The following FOXN3 variants were observed in gnomAD, a reference collection of about 807,000 sequenced individuals.
FOXN3 encodes forkhead box N3, also known as forkhead box protein N3.
A neutral mutation model predicts 38.4 loss-of-function variants in FOXN3; 7 were observed. That is an observed-to-expected ratio of 0.18 (90% CI 0.10 to 0.34). The LOEUF (loss-of-function observed/expected upper bound fraction) is 0.34, where lower values mean the gene tolerates loss of function less well. FOXN3 is among the 10% of genes least tolerant of loss of function. FOXN3 has a pLI of 1.00. For missense variants in FOXN3, 456 were observed against 613.4 expected (o/e 0.74, Z 2.71); for synonymous variants, 230 against 242.2 (o/e 0.95, Z 0.47).
chr14:89,462,708 GGA>G (rs1296463157), intron 1 of FOXN3, among the ~76,000 whole-genome samples: 1 of 146,892 alleles, frequency 6.8e-6, no homozygotes, highest in Non-Finnish European at 1.5e-5. Flanking sequence ...TTTTTGAGAT[GGA>G]GTCTCGCTCT....
rs1334701451 is a variant in FOXN3 at position 89,162,697 on chromosome 14, T to A, written c.1124A>T (p.Asp375Val). Residue 375 changes from aspartate (D) to valine (V), a missense_variant, in exon 6 of 6, where the codon GAC becomes GTC. Transcript: ENST00000557258. This position sits in a 1 kb window ranked among gnomAD's most constrained non-coding sequence, Gnocchi z 7.2. ...HESPSDTEED[D>V]RKHSQKEPKD... Reference sequence around the variant, plus strand: ...GGGCTCCTTCTGGCTGTGCTTCCTGTCGTCCTCTTCCGTGTCGCTGGGGCT... The same window carrying A: ...GGGCTCCTTCTGGCTGTGCTTCCTGACGTCCTCTTCCGTGTCGCTGGGGCT... The A allele has an allele frequency of 3.1e-6, 5 of 1,614,124 alleles. No homozygotes were observed. Among genetic ancestry groups the A allele is most frequent in the Non-Finnish European group, 4.2e-6 (5 of 1,179,998 alleles).
chr14:89,432,636 C>T (rs1892185676), intron 1 of FOXN3, among the ~76,000 whole-genome samples: 1 of 152,132 alleles, frequency 6.6e-6, no homozygotes, highest in Admixed American at 6.6e-5. Context: ...CTCTGGCCTG[C>T]ACAGCCCCAC....
intron 4 of FOXN3, among the ~76,000 whole-genome samples, chr14:89,226,136 A>C: frequency 6.7e-6 from 1 of 148,524 alleles, no homozygotes; most frequent in Admixed American, 6.7e-5. Flanking sequence ...GGGGAAGGAA[A>C]TCTAGTTGTT....
intron 3 of FOXN3, among the ~76,000 whole-genome samples, chr14:89,284,792 C>A (rs561772038): frequency 2.0e-5 from 3 of 152,132 alleles, no homozygotes; most frequent in African/African-American, 7.2e-5. Flanking sequence ...AGGTGGAGTG[C>A]GACCTGGCAT....
At chr14:89,560,008 G>T (rs1895214237) in intron 1 of FOXN3, among the ~76,000 whole-genome samples, 1 of 152,162 alleles carries the variant, frequency 6.6e-6, no homozygotes, top group African/African-American at 2.4e-5. Flanking sequence ...AGTTTATAAA[G>T]AAAAGAGGTT....
intron 3 of FOXN3, among the ~76,000 whole-genome samples, chr14:89,333,763 A>T (rs796902215): frequency 1.4e-5 from 2 of 147,420 alleles, no homozygotes; most frequent in South Asian, 4.3e-4. Context: ...AAAAAAAAAA[A>T]AAAAAAAAAA....
At chr14:89,363,972 ATATATATATATATATAAT>A (rs1426320032) in intron 2 of FOXN3, among the ~76,000 whole-genome samples, 24 of 40,988 alleles carry the variant, frequency 5.9e-4, no homozygotes, top group Non-Finnish European at 7.8e-4. Context: ...ATATATATAT[ATATATATATATATATAAT>A]ATATATATAT....
intron 1 of FOXN3, among the ~76,000 whole-genome samples, chr14:89,540,689 G>A (rs144545119): frequency 2.1e-5 from 3 of 145,918 alleles, no homozygotes; most frequent in Non-Finnish European, 4.5e-5. Context: ...AGTGAGCCGA[G>A]ATTGCAACAC....
intron 1 of FOXN3, among the ~76,000 whole-genome samples, chr14:89,542,486 T>C (rs386899): frequency 0.78 from 119,140 of 152,212 alleles, 46,886 homozygotes; most frequent in Middle Eastern, 0.84. Flanking sequence ...TCACAATTAA[T>C]AAAGTTCAGC....
chr14:89,265,851 G>C (rs956261613), intron 4 of FOXN3, among the ~76,000 whole-genome samples: 2 of 152,192 alleles, frequency 1.3e-5, no homozygotes, highest in African/African-American at 4.8e-5. Flanking sequence ...TGTAGGTCAA[G>C]TTAAAACAAT....
chr14:89,402,603 G>T (rs1891279152), intron 2 of FOXN3, among the ~76,000 whole-genome samples: 1 of 152,330 alleles, frequency 6.6e-6, no homozygotes, highest in Non-Finnish European at 1.5e-5. Flanking sequence ...AAAGCAGAGG[G>T]TGGGGTTTCT....
chr14:89,317,883 A>G (rs906575999), intron 3 of FOXN3, among the ~76,000 whole-genome samples: 1 of 149,788 alleles, frequency 6.7e-6, no homozygotes, highest in Non-Finnish European at 1.5e-5. Flanking sequence ...TGCAAACCCT[A>G]CTGTGAACTG....
chr14:89,165,977 T>C (rs1887231405), intron 5 of FOXN3, among the ~76,000 whole-genome samples: 1 of 152,192 alleles, frequency 6.6e-6, no homozygotes, highest in African/African-American at 2.4e-5. Context: ...AAGCAGAACA[T>C]GATCCCTCTC....
intron 3 of FOXN3, among the ~76,000 whole-genome samples, chr14:89,328,719 G>A (rs1343414326): frequency 6.6e-6 from 1 of 152,202 alleles, no homozygotes; most frequent in East Asian, 1.9e-4. Context: ...TTGGCTTTTT[G>A]GAGGATGGCC....
intron 5 of FOXN3, among the ~76,000 whole-genome samples, chr14:89,165,407 C>T (rs541945135): frequency 2.0e-5 from 3 of 152,216 alleles, no homozygotes; most frequent in South Asian, 2.1e-4. Context: ...CCGATTCCTG[C>T]GACTTCCTGC....
At chr14:89,417,537 G>C (rs1459649572), upstream of FOXN3, 1 of 198,126 alleles carries the variant, frequency 5.0e-6, no homozygotes, top group Non-Finnish European at 1.1e-5. Context: ...AGGTGGGTCA[G>C]GCGGCGCGTG....
chr14:89,367,600 G>A (rs761988333), intron 2 of FOXN3, among the ~76,000 whole-genome samples: 89 of 152,296 alleles, frequency 5.8e-4, no homozygotes, highest in Non-Finnish European at 1.1e-3. Flanking sequence ...GTGCTCCAGC[G>A]GGAACACAGG....
At position 89,202,384 on chromosome 14, in the gene FOXN3, A is replaced by G. The variant is rs186107723; in HGVS notation, c.746-21578T>C. On this transcript the variant is annotated intron_variant, in intron 4 of 5. Transcript: ENST00000557258. ...ATTGAATCACACACCCGGTCCCACT[A>G]TGCCATAAACCACTGTTCTGCTGAG... Among the ~76,000 whole-genome samples the G allele has an allele frequency of 1.2e-4, 19 of 152,340 alleles. No individual in the cohort carries two copies. In the East Asian group the frequency reaches 3.7e-3, roughly 29 times the overall value.
chr14:89,523,975 C>T lies in FOXN3; in HGVS notation c.-15+95053G>A, dbSNP rs28787604. ...ACGGGGTTTCACCATGTTGGTGAGG[C>T]TGGTCTCGAACTCCTGACCTCGTGA... On this transcript the variant is annotated intron_variant, in intron 1 of 6. Coordinates refer to the FOXN3 transcript ENST00000345097. 3.6e-3 allele frequency among the ~76,000 whole-genome samples: 552 copies of T among 151,748 alleles called. 5 individuals carry two copies. The highest frequency in any genetic ancestry group is 0.013 in the African/African-American group (532 of 41,468).
Sources: allele counts gnomAD v4.1 joint callset (sites outside exome capture counted in the v4.1 genomes callset), GRCh38; gene constraint gnomAD v4.1.1; non-coding constraint Gnocchi (gnomAD v3.1); transcripts MANE v1.5; gene names NCBI Gene and HGNC (gene_info 2026-07-23, HGNC 2026-07-21).